The following EGLN1 variants were observed in gnomAD, a reference collection of about 807,000 sequenced individuals.
The protein encoded by EGLN1 is egl-9 family hypoxia inducible factor 1.
Under a neutral mutation model 38.3 loss-of-function variants are expected in EGLN1, and 17 were observed. The ratio of observed to expected loss-of-function variants is 0.44; its 90% CI spans 0.30 to 0.67. EGLN1 has a LOEUF of 0.67. EGLN1 is among the 30% of genes least tolerant of loss of function. The pLI is 0.08. For synonymous variants in EGLN1, 283 were observed against 257.5 expected, an observed-to-expected ratio of 1.10 and a Z score of -0.95; for missense variants, 477 against 603.3, an observed-to-expected ratio of 0.79 and a Z score of 2.19.
chr1:231,368,953 T>C (rs1425463585), intron 3 of EGLN1, among the ~76,000 whole-genome samples: 2 of 152,212 alleles, frequency 1.3e-5, no homozygotes, highest in African/African-American at 4.8e-5. Flanking sequence ...AGGAAAGGGC[T>C]CAGATACATA....
intron 1 of EGLN1, among the ~76,000 whole-genome samples, chr1:231,403,570 A>C (rs888015028): frequency 1.3e-5 from 2 of 151,968 alleles, no homozygotes; most frequent in Admixed American, 1.3e-4. Context: ...TGGGAGTTCA[A>C]GACCAGCCTG....
chr1:231,381,548 G>A (rs148793430), intron 1 of EGLN1, among the ~76,000 whole-genome samples: 2 of 151,952 alleles, frequency 1.3e-5, no homozygotes, highest in African/African-American at 4.8e-5. Context: ...TCTAATTCTA[G>A]CCCATGATTA....
chr1:231,393,142 G>A (rs180870575), intron 1 of EGLN1, among the ~76,000 whole-genome samples: 3 of 149,564 alleles, frequency 2.0e-5, no homozygotes, highest in East Asian at 4.0e-4. Flanking sequence ...GAGCTTACAA[G>A]AGAATAACTA....
chr1:231,389,270 A>G (rs1466231521), intron 1 of EGLN1, among the ~76,000 whole-genome samples: 1 of 152,216 alleles, frequency 6.6e-6, no homozygotes, highest in Non-Finnish European at 1.5e-5. Flanking sequence ...AATCTTTACA[A>G]TCCCTGGAAG....
chr1:231,409,658 G>A (rs1248020603), intron 1 of EGLN1, among the ~76,000 whole-genome samples: 1 of 151,968 alleles, frequency 6.6e-6, no homozygotes, highest in Non-Finnish European at 1.5e-5. Flanking sequence ...GTCCTCTACA[G>A]ATGCCAAAGT....
intron 1 of EGLN1, among the ~76,000 whole-genome samples, chr1:231,416,796 CT>C (rs1232667632): frequency 1.3e-5 from 2 of 152,170 alleles, no homozygotes; most frequent in African/African-American, 4.8e-5. Context: ...TAAGACTACC[CT>C]CTCAGTCCAC....
chr1:231,377,993 G>A lies in EGLN1; in HGVS notation c.892-3894C>T, dbSNP rs577767413. ...GTTAAGTTCTATAATTCCCAGTATA[G>A]CTCAATTATCACCATCTAAATGTAT... On this transcript the variant is annotated intron_variant, in intron 1 of 4. Coordinates refer to ENST00000366641, the MANE Select transcript of EGLN1 (RefSeq NM_022051.3). Among the ~76,000 whole-genome samples the A allele has an allele frequency of 9.9e-5, 15 of 152,276 alleles. No individual in the cohort carries two copies. In the South Asian group the frequency reaches 1.2e-3, roughly 13 times the overall value.
rs1483470157 is a variant in EGLN1, at chr1:231,365,191, G to C, written c.*1220C>G. The C allele has an allele frequency of 6.6e-6, 1 of 151,966 alleles. No individual in the cohort carries two copies. The highest frequency in any genetic ancestry group is 1.5e-5 in the Non-Finnish European group (1 of 68,006). 9.4% of individuals were successfully genotyped at this position (151,966 alleles called of 1,614,324 possible). ...CCTTGATGCTCTTCAACAGAGACAA[G>C]GTTCTTGTCTGCAGATCAGATAGAT... On this transcript the variant is annotated 3_prime_UTR_variant, in exon 5 of 5. Coordinates refer to ENST00000366641, the MANE Select transcript of EGLN1 (RefSeq NM_022051.3).
At chr1:231,393,721 A>G (rs1197982384) in intron 1 of EGLN1, among the ~76,000 whole-genome samples, 2 of 151,952 alleles carry the variant, frequency 1.3e-5, no homozygotes, top group Non-Finnish European at 2.9e-5. Context: ...CAAATTCAAC[A>G]TTTCCAAATC....
intron 1 of EGLN1, among the ~76,000 whole-genome samples, chr1:231,389,979 CAAAAG>C (rs1160663511): frequency 1.3e-5 from 2 of 151,784 alleles, no homozygotes; most frequent in Non-Finnish European, 2.9e-5. Context: ...ACAACAACAA[CAAAAG>C]AACAGTGGGA....
chr1:231,421,496 GGCGGCCGCACGACACGGCGAC>G lies in EGLN1; in HGVS notation c.372_392del (p.Ser125_Ala131del), dbSNP rs1448568741. 477 of 1,343,724 alleles carry G rather than the reference GGCGGCCGCACGACACGGCGAC, an allele frequency of 3.5e-4. 3 individuals are homozygous for G. In the East Asian group the frequency reaches 6.6e-3, roughly 19 times the overall value. The allele number at this position is 1,343,724 out of a possible 1,614,324, so 83.2% of individuals were successfully genotyped here. A position where few individuals can be genotyped will look rare whatever the true frequency, so the allele number is the denominator to read the frequency against. ...CAGCCACCGCCGAGCCCTGGCCGCCGGCGGCCGCACGACACGGCGACGCGGCCGCCGCTGGGTCGGCCGGGG... is the reference window on the plus strand; with the variant it reads ...CAGCCACCGCCGAGCCCTGGCCGCCGGCGGCCGCCGCTGGGTCGGCCGGGG... On this transcript the variant is annotated inframe_deletion, in exon 1 of 5. Transcript: ENST00000366641. The surrounding 1 kb of genome is among the most constrained non-coding windows in gnomAD (Gnocchi z 5.5).
intron 1 of EGLN1, among the ~76,000 whole-genome samples, chr1:231,376,559 A>G (rs775031862): frequency 6.6e-6 from 1 of 152,178 alleles, no homozygotes; most frequent in Non-Finnish European, 1.5e-5. Context: ...ATAGTATATT[A>G]GGATTTGGTA....
chr1:231,397,877 G>C (rs1189109625), intron 1 of EGLN1, among the ~76,000 whole-genome samples: 1 of 152,170 alleles, frequency 6.6e-6, no homozygotes, highest in Non-Finnish European at 1.5e-5. Flanking sequence ...CTGAAAGGCT[G>C]AGATAAGACA....
intron 1 of EGLN1, among the ~76,000 whole-genome samples, chr1:231,387,259 C>CTA (rs545022266): frequency 6.6e-6 from 1 of 151,202 alleles, no homozygotes. Flanking sequence ...ACACACACCC[C>CTA]CCTAATTAAA....
intron 1 of EGLN1, among the ~76,000 whole-genome samples, chr1:231,397,167 CA>C (rs1391482498): frequency 6.6e-6 from 1 of 152,202 alleles, no homozygotes; most frequent in African/African-American, 2.4e-5. Context: ...CAACAAATGG[CA>C]GAAGAGTTTG....
rs59432676 is a variant in EGLN1, at chr1:231,396,039, GA to G, written c.892-21941del. Among the ~76,000 whole-genome samples, 616 of 140,186 alleles carry G rather than the reference GA, an allele frequency of 4.4e-3. 2 individuals are homozygous for G. The highest frequency in any genetic ancestry group is 0.015 in the South Asian group (69 of 4,522). 92.0% of individuals were successfully genotyped at this position (140,186 alleles called of 152,430 possible). A position where few individuals can be genotyped will look rare whatever the true frequency, so the allele number is the denominator to read the frequency against. ...CCAAATTACCCCACTCCTTTAAAAAGAAAAAAAAAAAAGGCAATAAATGTCT... is the reference window on the plus strand; with the variant it reads ...CCAAATTACCCCACTCCTTTAAAAAGAAAAAAAAAAAGGCAATAAATGTCT... On this transcript the variant is annotated intron_variant, in intron 1 of 4. Coordinates refer to ENST00000366641, the MANE Select transcript of EGLN1 (RefSeq NM_022051.3).
intron 2 of EGLN1, among the ~76,000 whole-genome samples, chr1:231,373,494 T>C (rs1304249625): frequency 6.6e-6 from 1 of 152,242 alleles, no homozygotes; most frequent in African/African-American, 2.4e-5. Flanking sequence ...CTTTTTAAGA[T>C]ATATCAGTAC....
intron 1 of EGLN1, among the ~76,000 whole-genome samples, chr1:231,376,314 C>T (rs1213914558): frequency 6.6e-6 from 1 of 152,182 alleles, no homozygotes; most frequent in Non-Finnish European, 1.5e-5. Flanking sequence ...CTTTGTCCAG[C>T]ATATCCACAC....
intron 1 of EGLN1, among the ~76,000 whole-genome samples, chr1:231,383,582 T>C (rs1688125717): frequency 3.3e-5 from 5 of 152,174 alleles, no homozygotes; most frequent in Admixed American, 3.3e-4. Context: ...AAAGAATATT[T>C]GCAAAAACAG....
Sources: gnomAD v4.1 joint callset for allele counts (sites outside exome capture counted in the v4.1 genomes callset) on GRCh38, gnomAD v4.1.1 for gene constraint, Gnocchi (gnomAD v3.1) non-coding constraint, MANE v1.5 for transcripts, NCBI Gene and HGNC (gene_info 2026-07-23, HGNC 2026-07-21) for gene names.